CFB: variants seen among roughly 807,000 people sequenced by gnomAD.
CFB encodes complement factor B, also known as B-factor, properdin.
Under a neutral mutation model 97.2 loss-of-function variants are expected in CFB, and 59 were observed. The observed-to-expected ratio is 0.61, with a 90% CI of 0.49 to 0.75. The LOEUF (loss-of-function observed/expected upper bound fraction) is 0.75, where lower values mean the gene tolerates loss of function less well. Among genes scored for constraint, CFB ranks in the 30% least tolerant of loss-of-function variants. The pLI, the probability that CFB is intolerant of heterozygous loss-of-function variation, is 0.00. For synonymous variants in CFB, 316 were observed against 351.7 expected (o/e 0.90, Z 1.14); for missense variants, 771 against 959.8 (o/e 0.80, Z 2.60).
chr6:31,948,070 T>C lies in CFB; in HGVS notation c.886T>C (p.Leu296=). 1.2e-6 allele frequency: 2 copies of C among 1,614,126 alleles called. No individual in the cohort carries two copies. Among genetic ancestry groups the C allele is most frequent in the Non-Finnish European group, 1.7e-6 (2 of 1,180,026 alleles). ...FTGAKKCLVN[L]IEKVASYGVK... ...AGGAGCCAAAAAGTGTCTAGTCAAC[T>C]TAATTGAGAAGGTGGAATCCTCCTA... The change falls in exon 6 of 18, where the codon TTA becomes CTA. Residue 296 remains leucine (L), a synonymous_variant. Coordinates refer to ENST00000425368, the MANE Select transcript of CFB (RefSeq NM_001710.6).
chr6:31,947,648 C>A lies in CFB; in HGVS notation c.659-94C>A. 1.9e-6 allele frequency: 3 copies of A among 1,570,700 alleles called. No individual in the cohort carries two copies. The highest frequency in any genetic ancestry group is 2.2e-5 in the East Asian group (1 of 44,656). The stretch of plus-strand genomic sequence containing the variant: ...CCTGTACAACTATCTCACTTCTGAG[C>A]CTTTTATACCCTGGAAACCCATGAT... On this transcript the variant is annotated intron_variant, in intron 4 of 17. Coordinates refer to ENST00000425368, the MANE Select transcript of CFB (RefSeq NM_001710.6). This position sits in a 1 kb window ranked among gnomAD's most constrained non-coding sequence, Gnocchi z 5.3.
chr6:31,949,544 C>A lies in CFB; in HGVS notation c.1395C>A (p.Phe465Leu). The A allele has an allele frequency of 6.2e-7, 1 of 1,613,198 alleles. No homozygotes were observed. Among genetic ancestry groups the A allele is most frequent in the South Asian group, 1.1e-5 (1 of 91,080 alleles). The change falls in exon 10 of 18, where the codon TTC becomes TTA. Residue 465 changes from phenylalanine (F) to leucine (L), a missense_variant. Physicochemically the swap from Phe to Leu is conservative, Grantham distance 22. Transcript: ENST00000425368. ...VKDMENLEDV[F>L]YQMIDESQSL... ...ATATGGAAAACCTGGAAGATGTTTT[C>A]TACCAAATGATCGGTAGGGAGATAC...
chr6:31,947,828 G>C lies in CFB; in HGVS notation c.745G>C (p.Asp249His), dbSNP rs776048261. The change falls in exon 5 of 18, where the codon GAT becomes CAT. Residue 249 changes from aspartate to histidine, a missense_variant. Transcript: ENST00000425368. The surrounding 1 kb of genome is among the most constrained non-coding windows in gnomAD (Gnocchi z 5.3). ...GACCATAGAAGGAGTCGATGCTGAG[G>C]ATGGGCACGGCCCAGGTTTGAAGAC... ...TETIEGVDAE[D>H]GHGPGEQQKR... The C allele has an allele frequency of 6.2e-7, 1 of 1,613,916 alleles. No homozygotes were observed. The highest frequency in any genetic ancestry group is 8.5e-7 in the Non-Finnish European group (1 of 1,180,046).
chr6:31,947,440 C>A lies in CFB; in HGVS notation c.577C>A (p.Arg193=). The A allele has an allele frequency of 1.2e-6, 2 of 1,613,008 alleles. No homozygotes were observed. The highest frequency in any genetic ancestry group is 2.2e-5 in the South Asian group (2 of 91,086). Residue 193 remains arginine, a synonymous_variant, in exon 4 of 18, where the codon CGG becomes AGG. Transcript: ENST00000425368. The surrounding 1 kb of genome is among the most constrained non-coding windows in gnomAD (Gnocchi z 5.3). ...LEDSVTYHCS[R]GLTLRGSQRR... ...AGACAGCGTCACCTACCACTGCAGC[C>A]GGGGGCTTACCCTGCGTGGCTCCCA...
rs758029612 is a variant in CFB, at chr6:31,951,594, G to A, written c.2129G>A (p.Arg710His). ...GGPLIVHKRS[R>H]FIQVGVISWG... is the part of the protein sequence containing the mutation. Reference sequence around the variant, plus strand: ...CCCTTGATAGTTCACAAGAGAAGTCGTTTCATTCAAGTGAGTCCTCCCTTT... The same window carrying A: ...CCCTTGATAGTTCACAAGAGAAGTCATTTCATTCAAGTGAGTCCTCCCTTT... Residue 710 changes from arginine (R) to histidine (H), a missense_variant, in exon 17 of 18, where the codon CGT becomes CAT. Physicochemically the swap from Arg to His is conservative, Grantham distance 29. Transcript: ENST00000425368. This position sits in a 1 kb window ranked among gnomAD's most constrained non-coding sequence, Gnocchi z 4.3. 1.7e-5 allele frequency: 28 copies of A among 1,614,028 alleles called. No homozygotes were observed. The highest frequency in any genetic ancestry group is 2.0e-5 in the Non-Finnish European group (24 of 1,180,040).
chr6:31,950,400 G>T lies in CFB; in HGVS notation c.1621G>T (p.Val541Leu). The T allele has an allele frequency of 6.2e-7, 1 of 1,612,194 alleles. No individual in the cohort carries two copies. Among genetic ancestry groups the T allele is most frequent in the Non-Finnish European group, 8.5e-7 (1 of 1,179,758 alleles). ...DDKEHSIKVS[V>L]GGEKRDLEIE... ...CAAGGAACACTCAATCAAGGTCAGC[G>T]TAGGTAAGGATGCAACTGAAGGTCC... The change falls in exon 12 of 18, where the codon GTA (valine) becomes TTA (leucine). Residue 541 changes from valine (V) to leucine (L), a missense_variant. Transcript: ENST00000425368.
chr6:31,950,163 C>G lies in CFB; in HGVS notation c.1506+16C>G, dbSNP rs1771659417. ...CTCAGTCATTGTAAGCACAGAATCC[C>G]AGTAGTGGGGACTTGGGGGAGGTGA... On this transcript the variant is annotated intron_variant, in intron 11 of 17. Coordinates refer to ENST00000425368, the MANE Select transcript of CFB (RefSeq NM_001710.6). The G allele has an allele frequency of 6.2e-7, 1 of 1,612,506 alleles. No homozygotes were observed. Among genetic ancestry groups the G allele is most frequent in the East Asian group, 2.2e-5 (1 of 44,892 alleles).
intron 8 of CFB, 120 bp from the exon 9 acceptor site, chr6:31,949,123 A>G: frequency 7.0e-7 from 1 of 1,427,330 alleles, no homozygotes; most frequent in South Asian, 1.2e-5. Context: ...ATTCTTCCTA[A>G]GCCCTGTGAT....
chr6:31,948,876 A>G lies in CFB; in HGVS notation c.1083A>G (p.Ala361=). 2 of 1,612,990 alleles carry G rather than the reference A, an allele frequency of 1.2e-6. No homozygotes were observed. Among genetic ancestry groups the G allele is most frequent in the Non-Finnish European group, 1.7e-6 (2 of 1,180,012 alleles). The change falls in exon 8 of 18, where the codon GCA becomes GCG. Residue 361 remains alanine, a synonymous_variant. Transcript: ENST00000425368. The stretch of plus-strand genomic sequence containing the variant: ...CTAACACCAAGAAGGCCCTCCAGGC[A>G]GTGTACAGCATGATGAGCTGGCCAG... ...SGTNTKKALQ[A]VYSMMSWPDD... is the part of the protein sequence containing the mutation.
Position 31,946,479 on chromosome 6 carries a change from A to G in CFB, c.171A>G (p.Ala57=), listed in dbSNP as rs1235553206. The change falls in exon 2 of 18, where the codon GCA becomes GCG. Residue 57 remains alanine, a synonymous_variant. Transcript: ENST00000425368. This position sits in a 1 kb window ranked among gnomAD's most constrained non-coding sequence, Gnocchi z 6.4. ...GSFRLLQEGQ[A]LEYVCPSGFY... is the part of the protein sequence containing the mutation. ...TCCGACTTCTCCAAGAGGGCCAGGC[A>G]CTGGAGTACGTGTGTCCTTCTGGCT... 1.9e-6 allele frequency: 3 copies of G among 1,613,062 alleles called. No individual in the cohort carries two copies. The South Asian group carries it at 3.3e-5, about 18-fold the overall frequency.
At chr6:31,950,503 C>G in intron 12 of CFB, 100 bp downstream of exon 12, 3 of 1,569,958 alleles carry the variant, frequency 1.9e-6, no homozygotes, top group Middle Eastern at 3.3e-4. Flanking sequence ...CAATGCAGCC[C>G]CATTCCTTGC....
rs1230838868 is a variant in CFB at position 31,948,378 on chromosome 6, C to A, written c.902C>A (p.Ala301Glu). ...KCLVNLIEKV[A>E]SYGVKPRYGL... The stretch of plus-strand genomic sequence containing the variant: ...CCTTGTTCTCCTCACCCACAGGTGG[C>A]AAGTTATGGTGTGAAGCCAAGATAT... The change falls in exon 7 of 18, where the codon GCA (alanine) becomes GAA (glutamate). Residue 301 changes from alanine (A) to glutamate (E), a missense_variant. Coordinates refer to ENST00000425368, the MANE Select transcript of CFB (RefSeq NM_001710.6). 1 of 1,614,074 alleles carries A rather than the reference C, an allele frequency of 6.2e-7. No individual in the cohort carries two copies. The highest frequency in any genetic ancestry group is 8.5e-7 in the Non-Finnish European group (1 of 1,180,044).
Position 31,946,258 on chromosome 6 carries a change from C to T in CFB, c.37C>T (p.Pro13Ser). The T allele has an allele frequency of 6.2e-7, 1 of 1,613,088 alleles. No individual in the cohort carries two copies. Among genetic ancestry groups the T allele is most frequent in the African/African-American group, 1.3e-5 (1 of 75,052 alleles). ...SNLSPQLCLM[P>S]FILGLLSGGV... Reference sequence around the variant, plus strand: ...TCTCAGCCCCCAACTCTGCCTGATGCCCTTTATCTTGGGCCTCTTGTCTGG... The same window carrying T: ...TCTCAGCCCCCAACTCTGCCTGATGTCCTTTATCTTGGGCCTCTTGTCTGG... Residue 13 changes from proline (P) to serine (S), a missense_variant, in exon 1 of 18, where the codon CCC (proline) becomes TCC (serine). Physicochemically the swap from Pro to Ser is moderately conservative, Grantham distance 74 (BLOSUM62 -1). Transcript: ENST00000425368. The surrounding 1 kb of genome is among the most constrained non-coding windows in gnomAD (Gnocchi z 6.4).
rs2151781141 is a variant in CFB at position 31,946,947 on chromosome 6, G to A, written c.299-60G>A. On this transcript the variant is annotated intron_variant, in intron 2 of 17. Transcript: ENST00000425368. This position sits in a 1 kb window ranked among gnomAD's most constrained non-coding sequence, Gnocchi z 6.4. ...GTGACATGGTCTCCGAGACCAGGAG[G>A]GATACACCTAAGGCAGCCTTTCCCT... is the stretch of plus-strand genomic sequence containing the variant. The A allele has an allele frequency of 6.4e-7, 1 of 1,568,388 alleles. No homozygotes were observed. The highest frequency in any genetic ancestry group is 1.1e-5 in the South Asian group (1 of 90,126).
chr6:31,950,012 G>A (rs753678708), intron 10 of CFB, 38 bp from the exon 11 acceptor site: 2 of 1,600,446 alleles, frequency 1.2e-6, no homozygotes, highest in Non-Finnish European at 1.7e-6. Context: ...TGGGAATGAA[G>A]TGTTCCGAGT....
chr6:31,948,962 G>A lies in CFB; in HGVS notation c.1168+1G>A. 6.2e-7 allele frequency: 1 copy of A among 1,612,966 alleles called. No homozygotes were observed. The highest frequency in any genetic ancestry group is 8.5e-7 in the Non-Finnish European group (1 of 1,180,012). On this transcript the variant is annotated splice_donor_variant, in intron 8 of 17. Coordinates refer to ENST00000425368, the MANE Select transcript of CFB (RefSeq NM_001710.6). LOFTEE classifies it high-confidence loss of function. ...CATGTCATCATCCTCATGACTGATG[G>A]TCAGAAGGGACCTCTCTCCTGTCCC...
intron 7 of CFB, 21 bp downstream of exon 7, chr6:31,948,533 GGGAGGTTCACTTTGGGGTCA>G (rs768910671): frequency 1.2e-6 from 2 of 1,613,900 alleles, no homozygotes; most frequent in East Asian, 2.2e-5. Flanking sequence ...AGGGAATGGT[GGGAGGTTCACTTTGGGGTCA>G]GGAGGTTCAG....
chr6:31,951,625 C>G lies in CFB; in HGVS notation c.2139+21C>G. On this transcript the variant is annotated intron_variant, in intron 17 of 17. Coordinates refer to ENST00000425368, the MANE Select transcript of CFB (RefSeq NM_001710.6). The surrounding 1 kb of genome is among the most constrained non-coding windows in gnomAD (Gnocchi z 4.3). ...TTCAAGTGAGTCCTCCCTTTCCTATCTGGGGAGATGCCAAGTGGTCAGCAT... is the reference window on the plus strand; with the variant it reads ...TTCAAGTGAGTCCTCCCTTTCCTATGTGGGGAGATGCCAAGTGGTCAGCAT... The G allele has an allele frequency of 6.2e-7, 1 of 1,614,138 alleles. No homozygotes were observed.
Position 31,947,208 on chromosome 6 carries a change from TCC to T in CFB, c.484+20_484+21del, listed in dbSNP as rs1455949486. ...GACAACGGAGGTGAGAAGCATCCCC[TCC>T]CCCTACATTGCTGTCTCCCTGACGG... On this transcript the variant is annotated intron_variant, in intron 3 of 17. Transcript: ENST00000425368. This position sits in a 1 kb window ranked among gnomAD's most constrained non-coding sequence, Gnocchi z 5.3. 2 of 1,612,096 alleles carry T rather than the reference TCC, an allele frequency of 1.2e-6. No individual in the cohort carries two copies. Among genetic ancestry groups the T allele is most frequent in the Non-Finnish European group, 1.7e-6 (2 of 1,179,854 alleles).
Sources: allele counts gnomAD v4.1 joint callset, GRCh38; gene constraint gnomAD v4.1.1; non-coding constraint Gnocchi (gnomAD v3.1); transcripts MANE v1.5; gene names NCBI Gene and HGNC (gene_info 2026-07-23, HGNC 2026-07-21).